Variants in MYO5C observed in about 807,000 individuals in gnomAD.
MYO5C encodes unconventional myosin-Vc.
A neutral mutation model predicts 235.7 loss-of-function variants in MYO5C; 194 were observed. The observed-to-expected ratio is 0.82, with a 90% confidence interval of 0.73 to 0.93. The LOEUF is 0.93. Ranked by LOEUF, MYO5C falls within the 40% of genes least tolerant of loss-of-function variation. MYO5C has a pLI of 0.00. For synonymous variants in MYO5C, 707 were observed against 754.8 expected, an observed-to-expected ratio of 0.94 and a Z score of 1.04; for missense variants, 2,038 against 2,127.2, an observed-to-expected ratio of 0.96 and a Z score of 0.82.
Position 52,219,143 on chromosome 15 carries a change from T to TA in MYO5C, c.3786-457dup, listed in dbSNP as rs2035620167. Among the ~76,000 whole-genome samples the TA allele has an allele frequency of 2.6e-5, 4 of 152,186 alleles. No individual in the cohort carries two copies. The South Asian group carries it at 8.3e-4, about 32-fold the overall frequency. ...CTACTTTGGGTCCTCATCCTACTGA[T>TA]AAAGTCACATAACTAAAGATGCTCT... On this transcript the variant is annotated intron_variant, in intron 31 of 40. Coordinates refer to ENST00000261839, the MANE Select transcript of MYO5C (RefSeq NM_018728.4).
chr15:52,241,168 C>T (rs926610500), intron 20 of MYO5C, among the ~76,000 whole-genome samples: 11 of 150,426 alleles, frequency 7.3e-5, no homozygotes, highest in South Asian at 2.1e-4. Context: ...ACTTTGAATT[C>T]GTTTCTTTGG....
At chr15:52,291,929 C>T (rs1409495180) in intron 1 of MYO5C, among the ~76,000 whole-genome samples, 21 of 151,400 alleles carry the variant, frequency 1.4e-4, no homozygotes, top group Non-Finnish European at 2.9e-4. Context: ...TTAGTAGAGA[C>T]GGGGTTTCAC....
At chr15:52,206,578 C>G (rs2035319732) in intron 36 of MYO5C, among the ~76,000 whole-genome samples, 1 of 152,118 alleles carries the variant, frequency 6.6e-6, no homozygotes, top group Non-Finnish European at 1.5e-5. Context: ...TCTCCCTCTT[C>G]CTGACCCATG....
intron 11 of MYO5C, 33 bp from the exon 12 acceptor site, chr15:52,253,490 C>G (rs561939854): frequency 6.3e-7 from 1 of 1,593,244 alleles, no homozygotes; most frequent in Non-Finnish European, 8.6e-7. Context: ...GAAAGTAAAA[C>G]AGAATATTAA....
intron 1 of MYO5C, among the ~76,000 whole-genome samples, chr15:52,289,929 T>G (rs901369440): frequency 6.6e-5 from 10 of 152,206 alleles, no homozygotes; most frequent in Non-Finnish European, 1.3e-4. Flanking sequence ...GGCTTTCTGC[T>G]GTGTACTTCT....
chr15:52,271,334 T>TA (rs762720026), intron 7 of MYO5C, among the ~76,000 whole-genome samples: 4 of 151,936 alleles, frequency 2.6e-5, no homozygotes, highest in Non-Finnish European at 4.4e-5. Context: ...GTTCAAGCAA[T>TA]TCTTCTGCCT....
At chr15:52,205,494 C>A in intron 37 of MYO5C, 1 of 322,864 alleles carries the variant, frequency 3.1e-6, no homozygotes. Flanking sequence ...TACAAGAATT[C>A]GAATGGGGCT....
Position 52,198,228 on chromosome 15 carries a change from G to A in MYO5C, c.4821-1745C>T, listed in dbSNP as rs531065943. Among the ~76,000 whole-genome samples, 5 of 152,180 alleles carry A rather than the reference G, an allele frequency of 3.3e-5. No individual in the cohort carries two copies. The East Asian group carries it at 7.8e-4, about 24-fold the overall frequency. On this transcript the variant is annotated intron_variant, in intron 38 of 40. Coordinates refer to ENST00000261839, the MANE Select transcript of MYO5C (RefSeq NM_018728.4). ...CGGACGCCTATAATCCCAGCTACTC[G>A]GGAGGCTGAGACAGGAGAATCACTT...
chr15:52,245,984 G>A lies in MYO5C; in HGVS notation c.2038C>T (p.Arg680Cys), dbSNP rs766968141. 3.1e-6 allele frequency: 5 copies of A among 1,614,156 alleles called. No individual in the cohort carries two copies. The highest frequency in any genetic ancestry group is 1.3e-5 in the African/African-American group (1 of 75,042). ...LRACGVLETI[R>C]ISAQSYPSRW... ...GAAGGGTAGCTCTGTGCACTAATGCGAATCGTTTCTAAAACGCCGCAGGCT... is the reference window on the plus strand; with the variant it reads ...GAAGGGTAGCTCTGTGCACTAATGCAAATCGTTTCTAAAACGCCGCAGGCT... The change falls in exon 17 of 41, where the codon CGC (arginine) becomes TGC (cysteine). Residue 680 changes from arginine to cysteine, a missense_variant. Transcript: ENST00000261839.
At position 52,253,296 on chromosome 15, in the gene MYO5C, AC is replaced by A; in HGVS notation, c.1536+20del. On this transcript the variant is annotated intron_variant, in intron 12 of 40. Transcript: ENST00000261839. The stretch of plus-strand genomic sequence containing the variant: ...TGTTACTACTTAAAAGCTGAAAAAA[AC>A]AATTATTCTTAAAAGTTACCAAACA... The A allele has an allele frequency of 6.3e-7, 1 of 1,593,782 alleles. No homozygotes were observed.
At chr15:52,235,600 G>A in intron 23 of MYO5C, 70 bp downstream of exon 23, 1 of 1,264,370 alleles carries the variant, frequency 7.9e-7, no homozygotes, top group Non-Finnish European at 1.1e-6. Context: ...TCTAAAACTG[G>A]TCAACCCCAG....
rs1476502029 is a variant in MYO5C, at chr15:52,225,419, G to C, written c.3301+20C>G. ...AATTCAGTCTGCACCCATGGACTAA[G>C]AGACTCATATTTTTATTACCTCTCA... is the stretch of plus-strand genomic sequence containing the variant. On this transcript the variant is annotated intron_variant, in intron 26 of 40. Transcript: ENST00000261839. 1.3e-6 allele frequency: 2 copies of C among 1,554,800 alleles called. No homozygotes were observed. The highest frequency in any genetic ancestry group is 2.7e-5 in the African/African-American group (2 of 73,968).
intron 29 of MYO5C, among the ~76,000 whole-genome samples, chr15:52,223,080 C>T (rs1299811119): frequency 4.7e-5 from 7 of 148,398 alleles, no homozygotes; most frequent in African/African-American, 5.0e-5. Context: ...ACCTGGGAGG[C>T]GGAGGTTGCA....
intron 28 of MYO5C, 109 bp from the exon 29 acceptor site, chr15:52,223,833 C>G: frequency 1.1e-6 from 1 of 949,098 alleles, no homozygotes; most frequent in African/African-American, 1.7e-5. Flanking sequence ...CGAAGTACAT[C>G]AAGTTTACTT....
At chr15:52,230,501 C>T (rs1463753155) in intron 24 of MYO5C, among the ~76,000 whole-genome samples, 4 of 151,992 alleles carry the variant, frequency 2.6e-5, no homozygotes, top group East Asian at 1.9e-4. Context: ...CTCCGCCCCC[C>T]GGGTTCAAGT....
chr15:52,229,036 T>G (rs1009066641), intron 25 of MYO5C, 97 bp downstream of exon 25: 2 of 1,471,276 alleles, frequency 1.4e-6, no homozygotes, highest in African/African-American at 2.8e-5. Context: ...CCTGTGGCCT[T>G]TACACAGATG....
At chr15:52,240,112 T>G (rs1039793191) in intron 20 of MYO5C, among the ~76,000 whole-genome samples, 1 of 152,230 alleles carries the variant, frequency 6.6e-6, no homozygotes, top group Admixed American at 6.5e-5. Flanking sequence ...AAGGTCTTTA[T>G]GCAGAAAAAC....
intron 38 of MYO5C, 69 bp downstream of exon 38, chr15:52,204,795 TG>T: frequency 6.5e-7 from 1 of 1,546,446 alleles, no homozygotes. Flanking sequence ...GTCAGGCGCG[TG>T]GGGCCTCGGA....
chr15:52,245,825 TG>T, intron 17 of MYO5C, 130 bp downstream of exon 17: 1 of 775,284 alleles, frequency 1.3e-6, no homozygotes, highest in Non-Finnish European at 2.2e-6. Context: ...CACAGGGCAG[TG>T]GGAAAATCTT....
Sources: gnomAD v4.1 joint callset for allele counts (sites outside exome capture counted in the v4.1 genomes callset) on GRCh38, gnomAD v4.1.1 for gene constraint, MANE v1.5 for transcripts, NCBI Gene and HGNC (gene_info 2026-07-23, HGNC 2026-07-21) for gene names.